Variants in SUSD1 observed in about 807,000 individuals in gnomAD.
The protein encoded by SUSD1 is sushi domain-containing protein 1.
In SUSD1, 65 loss-of-function variants were observed where a neutral mutation model predicts 86.9. The observed-to-expected ratio is 0.75, with a 90% CI of 0.61 to 0.92. The LOEUF (loss-of-function observed/expected upper bound fraction) is 0.92. SUSD1 is among the 40% of genes least tolerant of loss of function. The pLI, the probability that SUSD1 is intolerant of heterozygous loss-of-function variation, is 0.00. For missense variants in SUSD1, 850 were observed against 929.7 expected, an observed-to-expected ratio of 0.91 and a Z score of 1.11; for synonymous variants, 346 against 350.0, an observed-to-expected ratio of 0.99 and a Z score of 0.13.
chr9:112,103,050 C>T, intron 8 of SUSD1: 1 of 362,626 alleles, frequency 2.8e-6, no homozygotes, highest in Non-Finnish European at 5.5e-6. Context: ...AAGCAAATTT[C>T]CCAACAAACA....
At chr9:112,162,161 A>G (rs754871683) in intron 1 of SUSD1, among the ~76,000 whole-genome samples, 15 of 152,242 alleles carry the variant, frequency 9.9e-5, no homozygotes, top group Non-Finnish European at 2.2e-4. Flanking sequence ...CAACTGCCTA[A>G]TGCAAGATGC....
rs746251445 is a variant in SUSD1, at chr9:112,078,579, G to A, written c.1712C>T (p.Ser571Leu). The change falls in exon 12 of 17, where the codon TCG becomes TTG. Residue 571 changes from serine (S) to leucine (L), a missense_variant. Transcript: ENST00000374270. ...CAGGGAGATGACCACAGGAAGTTCCGAAGACAGAGCCCGGAGACTGACATT... is the reference window on the plus strand; with the variant it reads ...CAGGGAGATGACCACAGGAAGTTCCAAAGACAGAGCCCGGAGACTGACATT... The part of the protein sequence containing the change: ...NYNVSLRALS[S>L]ELPVVISLTT... The A allele has an allele frequency of 2.2e-5, 36 of 1,613,670 alleles. No homozygotes were observed. Among genetic ancestry groups the A allele is most frequent in the South Asian group, 3.3e-5 (3 of 91,066 alleles).
chr9:112,056,192 C>T (rs903863491), intron 14 of SUSD1, among the ~76,000 whole-genome samples: 87 of 151,834 alleles, frequency 5.7e-4, no homozygotes, highest in Middle Eastern at 3.4e-3. Flanking sequence ...GTTTGAGCCC[C>T]GGGGGTTGAG....
intron 15 of SUSD1, among the ~76,000 whole-genome samples, chr9:112,044,558 C>A (rs79042408): frequency 0.022 from 3,415 of 152,276 alleles, 133 homozygotes; most frequent in African/African-American, 0.077. Context: ...TGTTTCAGAT[C>A]ATTGGGGAAA....
intron 8 of SUSD1, among the ~76,000 whole-genome samples, chr9:112,103,556 C>T (rs767455027): frequency 1.3e-5 from 2 of 152,134 alleles, no homozygotes; most frequent in Admixed American, 6.5e-5. Flanking sequence ...GTGATTTTCA[C>T]GTAAGATAGT....
chr9:112,164,492 G>A (rs1833696005), intron 1 of SUSD1, among the ~76,000 whole-genome samples: 1 of 151,032 alleles, frequency 6.6e-6, no homozygotes, highest in African/African-American at 2.4e-5. Flanking sequence ...AGTTACGTAA[G>A]CTATGATCAT....
intron 11 of SUSD1, 44 bp downstream of exon 11, chr9:112,080,030 C>T (rs1260743110): frequency 7.0e-7 from 1 of 1,437,956 alleles, no homozygotes; most frequent in Non-Finnish European, 9.8e-7. Context: ...AAGCCTCCCA[C>T]ATAAGACAAC....
At chr9:112,166,291 A>C (rs1441763757) in intron 1 of SUSD1, among the ~76,000 whole-genome samples, 2 of 152,238 alleles carry the variant, frequency 1.3e-5, no homozygotes, top group Admixed American at 1.3e-4. Flanking sequence ...AGACGGAGTG[A>C]CTAACTCATG....
chr9:112,108,911 A>G (rs1055226068), intron 8 of SUSD1, among the ~76,000 whole-genome samples: 3 of 151,974 alleles, frequency 2.0e-5, no homozygotes, highest in Admixed American at 2.0e-4. Context: ...AAAACCCAAG[A>G]GTTCATCCCT....
chr9:112,129,867 T>C (rs1337843585), intron 5 of SUSD1, among the ~76,000 whole-genome samples: 3 of 152,224 alleles, frequency 2.0e-5, no homozygotes, highest in African/African-American at 7.2e-5. Flanking sequence ...TGCTACGATA[T>C]GCCAACAGCC....
intron 7 of SUSD1, 44 bp downstream of exon 7, chr9:112,112,727 T>A: frequency 1.5e-6 from 2 of 1,306,300 alleles, no homozygotes. Flanking sequence ...TTCCCATGGG[T>A]GACGTGTCTG....
chr9:112,065,504 G>A (rs1268793679), intron 12 of SUSD1, among the ~76,000 whole-genome samples: 2 of 152,084 alleles, frequency 1.3e-5, no homozygotes, highest in Admixed American at 6.5e-5. Context: ...CAGCCTGGGC[G>A]AAAAAGTGAG....
intron 12 of SUSD1, among the ~76,000 whole-genome samples, chr9:112,067,402 A>C (rs1043322004): frequency 1.3e-5 from 2 of 152,240 alleles, no homozygotes; most frequent in Non-Finnish European, 2.9e-5. Context: ...GATCCCACAG[A>C]TTCCACATGC....
chr9:112,145,929 A>G (rs1436532612), intron 3 of SUSD1: 1 of 152,036 alleles, frequency 6.6e-6, no homozygotes, highest in Non-Finnish European at 1.5e-5. Context: ...TCACACTAGA[A>G]CCCCAGCAAT....
At chr9:112,138,354 T>A (rs1832405767) in intron 5 of SUSD1, among the ~76,000 whole-genome samples, 1 of 143,994 alleles carries the variant, frequency 6.9e-6, no homozygotes, top group South Asian at 2.3e-4. Flanking sequence ...TTCTAAACAT[T>A]TTTCTAAGCT....
intron 15 of SUSD1, among the ~76,000 whole-genome samples, chr9:112,050,032 T>C (rs1371811858): frequency 6.6e-6 from 1 of 152,232 alleles, no homozygotes; most frequent in Non-Finnish European, 1.5e-5. Context: ...AAACAGCTGC[T>C]GAGTAGAGTG....
chr9:112,072,863 A>G (rs577438159), intron 12 of SUSD1, among the ~76,000 whole-genome samples: 1 of 152,384 alleles, frequency 6.6e-6, no homozygotes, highest in African/African-American at 2.4e-5. Context: ...CATGAAGGCC[A>G]GTCCCTCTGC....
Position 112,062,947 on chromosome 9 carries a change from C to T in SUSD1, c.1840G>A (p.Gly614Arg). The change falls in exon 13 of 17, where the codon GGA becomes AGA. Residue 614 changes from glycine to arginine, a missense_variant. Gly to Arg is a moderately radical substitution (Grantham distance 125). Transcript: ENST00000374270. Reference protein sequence around the residue: ...LRLRKAKEKNGPISSYQVLVL... With the variant: ...LRLRKAKEKNRPISSYQVLVL... ...AGGACAGCTACTGACCTGATTGGTC[C>T]ATTTTTCTCCTTGGCTTTCCTCAGT... is the stretch of plus-strand genomic sequence containing the variant. 1 of 1,609,324 alleles carries T rather than the reference C, an allele frequency of 6.2e-7. No homozygotes were observed. The highest frequency in any genetic ancestry group is 1.1e-5 in the South Asian group (1 of 90,972).
At chr9:112,124,521 T>C in intron 5 of SUSD1, 85 bp from the exon 6 acceptor site, 2 of 1,297,116 alleles carry the variant, frequency 1.5e-6, no homozygotes, top group South Asian at 1.9e-5. Context: ...TATTTAATAG[T>C]GATAGAGGCC....
Sources: gnomAD v4.1 joint callset for allele counts (sites outside exome capture counted in the v4.1 genomes callset) on GRCh38, gnomAD v4.1.1 for gene constraint, MANE v1.5 for transcripts, NCBI Gene and HGNC (gene_info 2026-07-23, HGNC 2026-07-21) for gene names.